Variants in FMR1NB observed in about 807,000 individuals in gnomAD.
FMR1NB encodes the protein FMR1 neighbor.
A neutral mutation model predicts 16.8 loss-of-function variants in FMR1NB; 10 were observed. The observed-to-expected ratio is 0.60, with a 90% confidence interval of 0.37 to 1.01. The LOEUF is 1.01. FMR1NB is among the 50% of genes least tolerant of loss of function. FMR1NB has a pLI of 0.01. For missense variants in FMR1NB, 205 were observed against 204.8 expected (o/e 1.00, Z 0.00); for synonymous variants, 83 against 79.1 (o/e 1.05, Z -0.26).
At chrX:148,001,003 A>G (rs2044567722) in intron 1 of FMR1NB, among the ~76,000 whole-genome samples, 1 of 112,136 alleles carries the variant, frequency 8.9e-6, no homozygotes, top group African/African-American at 3.2e-5. Context: ...AACTAACGAG[A>G]GTTAACTAAG....
chrX:148,024,803 C>T (rs1212647918), intron 4 of FMR1NB, 62 bp from the exon 5 acceptor site: 1 of 1,151,563 alleles, frequency 8.7e-7, no homozygotes, highest in Non-Finnish European at 1.2e-6. Context: ...CCTTATAACC[C>T]TCCCATTGTT....
At chrX:147,986,270 G>C (rs967011777) in intron 1 of FMR1NB, among the ~76,000 whole-genome samples, 14 of 112,325 alleles carry the variant, frequency 1.2e-4, no homozygotes, top group Admixed American at 1.2e-3. Context: ...TCTATAGGTT[G>C]CCTGTTCACT....
chrX:148,009,973 T>C (rs782636187), intron 4 of FMR1NB, among the ~76,000 whole-genome samples: 21 of 111,962 alleles, frequency 1.9e-4, no homozygotes, highest in Admixed American at 2.8e-4. Context: ...TGCTAGAAAT[T>C]GGTGGCTAGG....
chrX:148,021,283 G>A (rs979381599), intron 4 of FMR1NB, among the ~76,000 whole-genome samples: 2 of 111,222 alleles, frequency 1.8e-5, no homozygotes, highest in African/African-American at 3.3e-5. Flanking sequence ...GGGGAGAGGC[G>A]GCATTGGCAA....
At position 147,996,176 on chromosome X, in the gene FMR1NB, A is replaced by T. The variant is rs916909150; in HGVS notation, c.278-7025A>T. 7.1e-5 allele frequency among the ~76,000 whole-genome samples: 8 copies of T among 112,291 alleles called. No individual in the cohort carries two copies. In the East Asian group the frequency reaches 2.2e-3, roughly 31 times the overall value. ...TGCTATTAAGAAAGTTATTAATAAA[A>T]ATAAATATCCTGAAAACAAGTAATG... On this transcript the variant is annotated intron_variant, in intron 1 of 5. Coordinates refer to ENST00000370467, the MANE Select transcript of FMR1NB (RefSeq NM_152578.3).
chrX:148,021,923 A>G (rs782748489), intron 4 of FMR1NB, among the ~76,000 whole-genome samples: 100 of 100,775 alleles, frequency 9.9e-4, no homozygotes, highest in African/African-American at 3.6e-3. Context: ...TCCAGCCTGG[A>G]TCCCATTGTC....
intron 5 of FMR1NB, 129 bp downstream of exon 5, chrX:148,025,142 G>A (rs1557190916): frequency 2.9e-6 from 2 of 682,712 alleles, no homozygotes; most frequent in Admixed American, 7.6e-5. Flanking sequence ...TCACAGGAGG[G>A]CCAGCTTCTG....
chrX:148,010,071 G>T (rs1406275884), intron 4 of FMR1NB, among the ~76,000 whole-genome samples: 3 of 109,519 alleles, frequency 2.7e-5, no homozygotes, highest in African/African-American at 1.0e-4. Context: ...CTCTGCAAAG[G>T]AATTTTATGG....
chrX:148,009,618 A>G (rs960201048), intron 4 of FMR1NB, among the ~76,000 whole-genome samples: 16 of 110,150 alleles, frequency 1.5e-4, no homozygotes, highest in East Asian at 2.9e-4. Flanking sequence ...TTAGAGCACA[A>G]AGTTAAGGGA....
chrX:148,017,916 C>T (rs1199122409), intron 4 of FMR1NB, among the ~76,000 whole-genome samples: 1 of 108,909 alleles, frequency 9.2e-6, no homozygotes, highest in Non-Finnish European at 1.9e-5. Flanking sequence ...ACATGTGCCA[C>T]ATTTTCTTAA....
intron 5 of FMR1NB, among the ~76,000 whole-genome samples, chrX:148,026,289 T>A (rs112938932): frequency 0.041 from 4,534 of 111,412 alleles, 132 homozygotes; most frequent in African/African-American, 0.095. Flanking sequence ...AGAAATTATC[T>A]CTGTAATGAT....
At chrX:147,981,807 C>T in intron 1 of FMR1NB, 128 bp downstream of exon 1, 1 of 771,831 alleles carries the variant, frequency 1.3e-6, no homozygotes, top group Non-Finnish European at 1.8e-6. Flanking sequence ...CCTCTCTCCT[C>T]CCAAAGGCCT....
intron 1 of FMR1NB, 47 bp downstream of exon 1, chrX:147,981,726 G>A: frequency 1.0e-6 from 1 of 1,002,684 alleles, no homozygotes; most frequent in Non-Finnish European, 1.4e-6. Flanking sequence ...GGGAGGGGGA[G>A]GGGGAGGGAG....
intron 1 of FMR1NB, among the ~76,000 whole-genome samples, chrX:148,001,394 A>G (rs1285837388): frequency 8.9e-6 from 1 of 112,085 alleles, no homozygotes; most frequent in Non-Finnish European, 1.9e-5. Flanking sequence ...TGACTTGACA[A>G]AACGATTTTA....
intron 4 of FMR1NB, among the ~76,000 whole-genome samples, chrX:148,013,429 A>T (rs2044634894): frequency 1.8e-5 from 2 of 111,520 alleles, no homozygotes; most frequent in African/African-American, 6.5e-5. Flanking sequence ...GATCCATCTC[A>T]GTCTGCTTTT....
At chrX:147,989,625 C>A (rs2044493976) in intron 1 of FMR1NB, among the ~76,000 whole-genome samples, 1 of 111,940 alleles carries the variant, frequency 8.9e-6, no homozygotes, top group Non-Finnish European at 1.9e-5. Context: ...GACAGCCGCC[C>A]CTTTCCTCGG....
chrX:148,016,725 C>T (rs1478011443), intron 4 of FMR1NB, among the ~76,000 whole-genome samples: 1 of 111,444 alleles, frequency 9.0e-6, no homozygotes, highest in African/African-American at 3.3e-5. Flanking sequence ...AAACAGTCAA[C>T]AAAAAGGCAA....
At chrX:148,021,450 C>T (rs1199867121) in intron 4 of FMR1NB, among the ~76,000 whole-genome samples, 5 of 102,896 alleles carry the variant, frequency 4.9e-5, no homozygotes, top group African/African-American at 1.4e-4. Flanking sequence ...GTTCCTATGG[C>T]GGGGTAGGAT....
chrX:148,004,215 A>G lies in FMR1NB; in HGVS notation c.397+895A>G, dbSNP rs1228580470. Among the ~76,000 whole-genome samples the G allele has an allele frequency of 2.7e-5, 3 of 112,236 alleles. No homozygotes were observed. In the Admixed American group the frequency reaches 2.8e-4, roughly 11 times the overall value. On this transcript the variant is annotated intron_variant, in intron 2 of 5. Transcript: ENST00000370467. ...TAAAAAAGAAATCTGAGACGGTGTTATGTCGTATAGGCTGAAAGAATGGTT... is the reference window on the plus strand; with the variant it reads ...TAAAAAAGAAATCTGAGACGGTGTTGTGTCGTATAGGCTGAAAGAATGGTT...
Sources: allele counts gnomAD v4.1 joint callset (sites outside exome capture counted in the v4.1 genomes callset), GRCh38; gene constraint gnomAD v4.1.1; transcripts MANE v1.5; gene names NCBI Gene and HGNC (gene_info 2026-07-23, HGNC 2026-07-21).